The following NRL variants were observed in gnomAD, a reference collection of about 807,000 sequenced individuals.
NRL encodes the protein neural retina-specific leucine zipper protein.
Under a neutral mutation model 12.5 loss-of-function variants are expected in NRL, and 16 were observed. The observed-to-expected ratio is 1.28, with a 90% CI of 0.87 to 1.95. NRL has a LOEUF of 1.95. NRL is among the 30% of genes most tolerant of loss of function. NRL has a pLI of 0.00. For missense variants in NRL, 314 were observed against 325.8 expected (o/e 0.96, Z 0.28); for synonymous variants, 142 against 150.9 (o/e 0.94, Z 0.43).
rs566700209 is a variant in NRL at position 24,087,728 on chromosome 14, A to G, written c.-27-4853T>C. 2.0e-4 allele frequency among the ~76,000 whole-genome samples: 31 copies of G among 152,342 alleles called. 1 individual carries two copies. Among genetic ancestry groups the G allele is most frequent in the African/African-American group, 6.3e-4 (26 of 41,580 alleles). On this transcript the variant is annotated intron_variant, in intron 1 of 2. Coordinates refer to ENST00000561028, the MANE Select transcript of NRL (RefSeq NM_001354768.3). ...AGCGACCCCTCAGTAACTTACACTA[A>G]TACCAGCCCTGACTTCAAGAAACTT...
chr14:24,098,872 C>T (rs1229091464), intron 1 of NRL, among the ~76,000 whole-genome samples: 5 of 152,206 alleles, frequency 3.3e-5, no homozygotes, highest in Admixed American at 6.5e-5. Context: ...GAGAAAAATC[C>T]GTGTCCAAGA....
rs753977292 is a variant in NRL at position 24,094,790 on chromosome 14, G to A, written c.-27-11915C>T. The A allele has an allele frequency of 1.5e-6, 2 of 1,374,088 alleles. No individual in the cohort carries two copies. The highest frequency in any genetic ancestry group is 1.9e-6 in the Non-Finnish European group (2 of 1,044,152). The allele number at this position is 1,374,088 out of a possible 1,614,324, so 85.1% of individuals were successfully genotyped here. A position where few individuals can be genotyped will look rare whatever the true frequency, so the allele number is the denominator to read the frequency against. ...GATACCTCCCTCGGACCTCTAACGGGCTCTCAGCCAGCGCCCCAGGGTACT... is the reference window on the plus strand; with the variant it reads ...GATACCTCCCTCGGACCTCTAACGGACTCTCAGCCAGCGCCCCAGGGTACT... On this transcript the variant is annotated intron_variant, in intron 1 of 2. Coordinates refer to ENST00000561028, the MANE Select transcript of NRL (RefSeq NM_001354768.3). This position sits in a 1 kb window ranked among gnomAD's most constrained non-coding sequence, Gnocchi z 4.1.
rs2036199464 is a variant in NRL, at chr14:24,079,005, T to C, written c.*2231A>G. 1.3e-5 allele frequency among the ~76,000 whole-genome samples: 2 copies of C among 152,346 alleles called. No homozygotes were observed. Among genetic ancestry groups the C allele is most frequent in the South Asian group, 2.1e-4 (1 of 4,826 alleles). On this transcript the variant is annotated 3_prime_UTR_variant, in exon 3 of 3. Coordinates refer to ENST00000561028, the MANE Select transcript of NRL (RefSeq NM_001354768.3). The stretch of plus-strand genomic sequence containing the variant: ...TTTTTTGTAGTGACAGGGTTCTCGC[T>C]ATGTTGCCCAGGCTGGTCTCAAACT...
intron 1 of NRL, among the ~76,000 whole-genome samples, chr14:24,093,807 C>T (rs1268198127): frequency 6.6e-6 from 1 of 152,042 alleles, no homozygotes; most frequent in Non-Finnish European, 1.5e-5. Context: ...GGAGGAGAAA[C>T]GGGGATTTAG....
Position 24,081,909 on chromosome 14 carries a change from C to T in NRL, c.382-341G>A. Reference sequence around the variant, plus strand: ...CGGGTGTGTCCAGTGGACCCGCACCCAGACAGCCCCCAACCCTCCAACGCG... The same window carrying T: ...CGGGTGTGTCCAGTGGACCCGCACCTAGACAGCCCCCAACCCTCCAACGCG... On this transcript the variant is annotated intron_variant, in intron 2 of 2. Coordinates refer to ENST00000561028, the MANE Select transcript of NRL (RefSeq NM_001354768.3). The surrounding 1 kb of genome is among the most constrained non-coding windows in gnomAD (Gnocchi z 4.4). The T allele has an allele frequency of 5.4e-6, 7 of 1,301,370 alleles. No homozygotes were observed. Among genetic ancestry groups the T allele is most frequent in the Non-Finnish European group, 6.9e-6 (7 of 1,016,160 alleles). 80.6% of individuals were successfully genotyped at this position (1,301,370 alleles called of 1,614,324 possible).
Position 24,094,645 on chromosome 14 carries a change from C to G in NRL, c.-27-11770G>C. The G allele has an allele frequency of 6.7e-7, 1 of 1,491,250 alleles. No homozygotes were observed. Among genetic ancestry groups the G allele is most frequent in the Non-Finnish European group, 8.9e-7 (1 of 1,121,834 alleles). 92.4% of individuals were successfully genotyped at this position (1,491,250 alleles called of 1,614,324 possible). A position where few individuals can be genotyped will look rare whatever the true frequency, so the allele number is the denominator to read the frequency against. On this transcript the variant is annotated intron_variant, in intron 1 of 2. Transcript: ENST00000561028. This position sits in a 1 kb window ranked among gnomAD's most constrained non-coding sequence, Gnocchi z 4.1. The stretch of plus-strand genomic sequence containing the variant: ...TGCTCCTCGTTTCCGCCTGCACCTC[C>G]CCTTCTCTGCCTCGCTCGCCTCTGA...
chr14:24,099,959 T>G, intron 1 of NRL: 1 of 1,614,118 alleles, frequency 6.2e-7, no homozygotes, highest in Non-Finnish European at 8.5e-7. Flanking sequence ...AAGTTTTCCT[T>G]GTTTGGTCCT....
At chr14:24,098,181 C>T (rs1279964238) in intron 1 of NRL, 7 of 1,572,872 alleles carry the variant, frequency 4.5e-6, no homozygotes, top group Non-Finnish European at 6.1e-6. Flanking sequence ...CACCATCTTC[C>T]TGACAATCCC....
At position 24,098,603 on chromosome 14, in the gene NRL, C is replaced by T. The variant is rs2037009629; in HGVS notation, c.-27-15728G>A. ...GCGTATTATGACCCGACTGGGGACA[C>T]CTGTGCTTCAGGCCCTGGGAGATGG... On this transcript the variant is annotated intron_variant, in intron 1 of 2. Coordinates refer to ENST00000561028, the MANE Select transcript of NRL (RefSeq NM_001354768.3). 5 of 1,613,982 alleles carry T rather than the reference C, an allele frequency of 3.1e-6. No individual in the cohort carries two copies. The highest frequency in any genetic ancestry group is 1.3e-5 in the African/African-American group (1 of 74,928).
At chr14:24,099,130 T>G (rs758393931) in intron 1 of NRL, 9 of 1,612,266 alleles carry the variant, frequency 5.6e-6, no homozygotes, top group Non-Finnish European at 7.6e-6. Flanking sequence ...ATCATCTCCT[T>G]CGGCAGCGGC....
intron 1 of NRL, among the ~76,000 whole-genome samples, chr14:24,086,766 G>A (rs958308035): frequency 6.6e-6 from 1 of 152,208 alleles, no homozygotes; most frequent in African/African-American, 2.4e-5. Context: ...GAGGTGGGAG[G>A]GCTAAGCTGC....
chr14:24,103,731 G>C lies in NRL; in HGVS notation c.-28+10991C>G, dbSNP rs1566582427. On this transcript the variant is annotated intron_variant, in intron 1 of 2. Transcript: ENST00000561028. ...AGACTGGATCTGCCGGCGGTTAGAG[G>C]GGGAGGACAGTGCCCGAGAGACACC... 1 of 1,614,192 alleles carries C rather than the reference G, an allele frequency of 6.2e-7. No individual in the cohort carries two copies. The highest frequency in any genetic ancestry group is 8.5e-7 in the Non-Finnish European group (1 of 1,180,030).
At chr14:24,098,195 T>A in intron 1 of NRL, 1 of 1,586,262 alleles carries the variant, frequency 6.3e-7, no homozygotes, top group Non-Finnish European at 8.6e-7. Flanking sequence ...CAATCCCCTC[T>A]CCCCCAGCTG....
intron 1 of NRL, chr14:24,102,896 C>A: frequency 6.2e-7 from 1 of 1,612,474 alleles, no homozygotes; most frequent in Non-Finnish European, 8.5e-7. Context: ...CAAAGGTAAA[C>A]AACATATGAG....
chr14:24,099,880 C>G, intron 1 of NRL: 1 of 1,589,152 alleles, frequency 6.3e-7, no homozygotes, highest in Non-Finnish European at 8.6e-7. Flanking sequence ...ACAGCCTTTC[C>G]TCATCAGATC....
intron 1 of NRL, chr14:24,102,849 TC>T: frequency 6.2e-7 from 1 of 1,613,950 alleles, no homozygotes; most frequent in South Asian, 1.1e-5. Flanking sequence ...CCAGAGGGTG[TC>T]CCCATTGACG....
rs1246595398 is a variant in NRL, at chr14:24,081,508, G to A, written c.442C>T (p.Gln148Ter). The stretch of plus-strand genomic sequence containing the variant: ...TCGTCGCGCCCGCAGCCCCGCAGCT[G>A]CCGGTTTAGCTCCCGCACAGACATC... ...VSMSVRELNR[Q>*]LRGCGRDEAL... Residue 148 changes from glutamine (Q) to a stop codon, truncating the protein, a stop_gained, in exon 3 of 3, where the codon CAG becomes TAG. Transcript: ENST00000561028. LOFTEE classifies it high-confidence loss of function. This position sits in a 1 kb window ranked among gnomAD's most constrained non-coding sequence, Gnocchi z 4.4. 1 of 1,602,016 alleles carries A rather than the reference G, an allele frequency of 6.2e-7. No individual in the cohort carries two copies. The highest frequency in any genetic ancestry group is 1.7e-5 in the Admixed American group (1 of 58,724).
intron 1 of NRL, among the ~76,000 whole-genome samples, chr14:24,107,060 A>G (rs1334208186): frequency 1.3e-5 from 2 of 152,202 alleles, no homozygotes; most frequent in African/African-American, 4.8e-5. Context: ...GTAAGCGTAT[A>G]TTACATATTG....
Position 24,094,281 on chromosome 14 carries a change from CTT to C in NRL, c.-27-11408_-27-11407del, listed in dbSNP as rs1210959336. On this transcript the variant is annotated intron_variant, in intron 1 of 2. Transcript: ENST00000561028. The surrounding 1 kb of genome is among the most constrained non-coding windows in gnomAD (Gnocchi z 4.1). ...TTCCGCCCCCGCGCCTGCCCCCCTC[CTT>C]TTTAAGCGCCTCCCGCCAGCCTCTG... 5 of 978,086 alleles carry C rather than the reference CTT, an allele frequency of 5.1e-6. No homozygotes were observed. In the Admixed American group the frequency reaches 1.2e-4, roughly 24 times the overall value. The allele number at this position is 978,086 out of a possible 1,614,324, so 60.6% of individuals were successfully genotyped here.
Sources: gnomAD v4.1 joint callset for allele counts (sites outside exome capture counted in the v4.1 genomes callset) on GRCh38, gnomAD v4.1.1 for gene constraint, Gnocchi (gnomAD v3.1) non-coding constraint, MANE v1.5 for transcripts, NCBI Gene and HGNC (gene_info 2026-07-23, HGNC 2026-07-21) for gene names.